Variants in MORN5 observed in about 807,000 individuals in gnomAD.
MORN5 encodes the protein MORN repeat-containing protein 5.
In MORN5, 21 loss-of-function variants were observed where a neutral mutation model predicts 22.1. The ratio of observed to expected loss-of-function variants is 0.95; its 90% CI spans 0.67 to 1.37. The LOEUF is 1.37. MORN5 is among the 40% of genes most tolerant of loss of function. The pLI, the probability that MORN5 is intolerant of heterozygous loss-of-function variation, is 0.00. For synonymous variants in MORN5, 73 were observed against 74.0 expected (o/e 0.99, Z 0.07); for missense variants, 211 against 215.1 (o/e 0.98, Z 0.12).
intron 4 of MORN5, 103 bp from the exon 5 acceptor site, chr9:122,199,782 C>T (rs752979045): frequency 1.9e-5 from 20 of 1,045,960 alleles, no homozygotes; most frequent in East Asian, 9.5e-5. Flanking sequence ...GACTGGCCAT[C>T]GACGGACCAT....
intron 4 of MORN5, among the ~76,000 whole-genome samples, chr9:122,196,679 T>C (rs762529224): frequency 8.5e-5 from 13 of 152,210 alleles, no homozygotes; most frequent in African/African-American, 3.1e-4. Flanking sequence ...TACCCATTAG[T>C]GAAAGAAGAT....
At chr9:122,185,652 G>A (rs1479914009) in intron 4 of MORN5, among the ~76,000 whole-genome samples, 2 of 151,974 alleles carry the variant, frequency 1.3e-5, no homozygotes, top group Admixed American at 6.6e-5. Flanking sequence ...GAGCCACTGC[G>A]CCTGGCCAAT....
Position 122,166,871 on chromosome 9 carries a change from G to C in MORN5, c.151G>C (p.Gly51Arg), listed in dbSNP as rs375743117. 2 of 1,613,824 alleles carry C rather than the reference G, an allele frequency of 1.2e-6. No homozygotes were observed. Among genetic ancestry groups the C allele is most frequent in the Non-Finnish European group, 1.7e-6 (2 of 1,179,956 alleles). ...CGAGGGAACCCTGTACTTCCCCAGC[G>C]GAAGCCAATACGACGCCATTTGGGA... Reference protein sequence around the residue: ...HGEGTLYFPSGSQYDAIWENG... With the variant: ...HGEGTLYFPSRSQYDAIWENG... The change falls in exon 2 of 5, where the codon GGA becomes CGA. Residue 51 changes from glycine (G) to arginine (R), a missense_variant. Coordinates refer to ENST00000373764, the MANE Select transcript of MORN5 (RefSeq NM_198469.4).
At chr9:122,161,004 C>T (rs1051363169) in intron 1 of MORN5, among the ~76,000 whole-genome samples, 4 of 152,160 alleles carry the variant, frequency 2.6e-5, no homozygotes, top group Admixed American at 1.3e-4. Context: ...CAGATAACTG[C>T]GATTCAGTGT....
chr9:122,171,733 A>G (rs1047868404), intron 3 of MORN5, among the ~76,000 whole-genome samples: 1 of 151,978 alleles, frequency 6.6e-6, no homozygotes, highest in African/African-American at 2.4e-5. Flanking sequence ...CCTAAGTGCA[A>G]TGGTCCTATG....
chr9:122,185,156 C>G (rs190000044), intron 4 of MORN5, among the ~76,000 whole-genome samples: 2 of 152,086 alleles, frequency 1.3e-5, no homozygotes, highest in South Asian at 2.1e-4. Flanking sequence ...CCTGGGTTCA[C>G]GCCATTCTCC....
chr9:122,198,655 A>G (rs1829946984), intron 4 of MORN5, among the ~76,000 whole-genome samples: 1 of 152,220 alleles, frequency 6.6e-6, no homozygotes, highest in Admixed American at 6.5e-5. Context: ...ACGTAACCCC[A>G]GAGACATTCT....
At chr9:122,160,171 C>T (rs1829170007) in intron 1 of MORN5, 152 bp downstream of exon 1, 2 of 654,038 alleles carry the variant, frequency 3.1e-6, no homozygotes, top group African/African-American at 3.6e-5. Flanking sequence ...AGCAGCAAAG[C>T]TAAGATGCAT....
chr9:122,199,519 C>T (rs1412521814), intron 4 of MORN5, among the ~76,000 whole-genome samples: 3 of 152,148 alleles, frequency 2.0e-5, no homozygotes, highest in South Asian at 2.1e-4. Context: ...CTAGCACCAC[C>T]GGCAAGGCCT....
chr9:122,164,230 AGT>A (rs1197093490), intron 1 of MORN5, among the ~76,000 whole-genome samples: 2 of 132,468 alleles, frequency 1.5e-5, no homozygotes, highest in African/African-American at 5.4e-5. Flanking sequence ...AGAGAGAGAG[AGT>A]GAAGGAGAAA....
At position 122,166,841 on chromosome 9, in the gene MORN5, C is replaced by T; in HGVS notation, c.121C>T (p.His41Tyr). 2.5e-6 allele frequency: 4 copies of T among 1,613,968 alleles called. No homozygotes were observed. Among genetic ancestry groups the T allele is most frequent in the Non-Finnish European group, 3.4e-6 (4 of 1,179,960 alleles). The change falls in exon 2 of 5, where the codon CAC (histidine) becomes TAC (tyrosine). Residue 41 changes from histidine to tyrosine, a missense_variant. Transcript: ENST00000373764. ...YVGEMKDGMF[H>Y]GEGTLYFPSG... ...TGGGGAAATGAAGGATGGCATGTTT[C>T]ACGGCGAGGGAACCCTGTACTTCCC...
chr9:122,195,968 A>ATATTTATTATTTATTTATTTATTTATT (rs139271006), intron 4 of MORN5, among the ~76,000 whole-genome samples: 19 of 147,592 alleles, frequency 1.3e-4, no homozygotes, highest in Admixed American at 4.0e-4. Flanking sequence ...ATTTTGTTTT[A>ATATTTATTATTTATTTATTTATTTATT]TATTTATTTA....
chr9:122,194,872 T>C (rs1407793524), intron 4 of MORN5, among the ~76,000 whole-genome samples: 3 of 151,874 alleles, frequency 2.0e-5, no homozygotes, highest in Non-Finnish European at 4.4e-5. Flanking sequence ...ATACAAAAAT[T>C]AGCCAGGTGT....
At chr9:122,185,384 G>A (rs1829607905) in intron 4 of MORN5, among the ~76,000 whole-genome samples, 1 of 71,990 alleles carries the variant, frequency 1.4e-5, no homozygotes, top group Non-Finnish European at 2.9e-5. Flanking sequence ...CACCATGCCT[G>A]GCTAATTTTT....
chr9:122,167,133 C>T (rs181337632), intron 2 of MORN5, among the ~76,000 whole-genome samples: 10 of 150,776 alleles, frequency 6.6e-5, no homozygotes, highest in Non-Finnish European at 1.3e-4. Flanking sequence ...CTGCAACCTC[C>T]GCCTCCTGGG....
At chr9:122,163,007 T>G (rs1320170880) in intron 1 of MORN5, among the ~76,000 whole-genome samples, 3 of 151,306 alleles carry the variant, frequency 2.0e-5, no homozygotes, top group Non-Finnish European at 4.4e-5. Flanking sequence ...AAAAAAAACC[T>G]TAAAAGAGAC....
chr9:122,199,184 C>T lies in MORN5; in HGVS notation c.440-701C>T, dbSNP rs144247943. Among the ~76,000 whole-genome samples, 395 of 152,336 alleles carry T rather than the reference C, an allele frequency of 2.6e-3. 2 individuals are homozygous for T. The highest frequency in any genetic ancestry group is 9.1e-3 in the African/African-American group (380 of 41,580). ...AAACAGCACAGGCTTTATAGCTGGA[C>T]AATCCTAGGTTCTAGTCTGAGCTCT... On this transcript the variant is annotated intron_variant, in intron 4 of 4. Transcript: ENST00000373764.
rs16911537 is a variant in MORN5, at chr9:122,182,324, A to G, written c.439+7697A>G. 0.016 allele frequency among the ~76,000 whole-genome samples: 2,422 copies of G among 152,302 alleles called. 123 individuals are homozygous for G. The East Asian group carries it at 0.18, about 11-fold the overall frequency. On this transcript the variant is annotated intron_variant, in intron 4 of 4. Coordinates refer to ENST00000373764, the MANE Select transcript of MORN5 (RefSeq NM_198469.4). The stretch of plus-strand genomic sequence containing the variant: ...CTCATCTGTCAATGCTTAGCACATA[A>G]CAGAAGGCCATGAAGTCTTTGCCTG...
chr9:122,166,232 C>T (rs779059624), intron 1 of MORN5, among the ~76,000 whole-genome samples: 4 of 151,600 alleles, frequency 2.6e-5, no homozygotes, highest in African/African-American at 4.9e-5. Context: ...CTACAATTCC[C>T]GATGAGATTT....
Sources: allele counts gnomAD v4.1 joint callset (sites outside exome capture counted in the v4.1 genomes callset), GRCh38; gene constraint gnomAD v4.1.1; transcripts MANE v1.5; gene names NCBI Gene and HGNC (gene_info 2026-07-23, HGNC 2026-07-21).